Variants in PIK3C2G observed in about 807,000 individuals in gnomAD.
PIK3C2G encodes the protein phosphatidylinositol 3-kinase C2 domain-containing subunit gamma.
PIK3C2G carries 168 observed loss-of-function variants against 181.1 expected under a neutral mutation model. The observed-to-expected ratio is 0.93, with a 90% CI of 0.82 to 1.05. PIK3C2G has a LOEUF of 1.05. Ranked by LOEUF, PIK3C2G falls within the 50% of genes least tolerant of loss-of-function variation. The pLI is 0.00. For synonymous variants in PIK3C2G, 573 were observed against 592.2 expected (o/e 0.97, Z 0.47); for missense variants, 1,869 against 1,732.8 (o/e 1.08, Z -1.40).
intron 24 of PIK3C2G, among the ~76,000 whole-genome samples, chr12:18,514,545 T>C (rs1592460160): frequency 6.6e-6 from 1 of 151,928 alleles, no homozygotes; most frequent in East Asian, 1.9e-4. Flanking sequence ...TTTCAGGTAG[T>C]TCTCTACTGG....
At chr12:18,338,599 T>G (rs1938782632) in intron 9 of PIK3C2G, 51 bp downstream of exon 9, 1 of 1,307,492 alleles carries the variant, frequency 7.6e-7, no homozygotes, top group African/African-American at 1.5e-5. Flanking sequence ...GTTCAATACT[T>G]AATTAAGGAG....
chr12:18,350,429 CA>C (rs1940115407), intron 11 of PIK3C2G, among the ~76,000 whole-genome samples: 1 of 151,866 alleles, frequency 6.6e-6, no homozygotes, highest in Non-Finnish European at 1.5e-5. Flanking sequence ...TATATCTGTG[CA>C]AAAAATGATT....
At chr12:18,331,032 G>C (rs555365130) in intron 8 of PIK3C2G, among the ~76,000 whole-genome samples, 2 of 152,034 alleles carry the variant, frequency 1.3e-5, no homozygotes, top group South Asian at 4.2e-4. Context: ...CTGTTCTTTA[G>C]TTCTATGATC....
intron 29 of PIK3C2G, among the ~76,000 whole-genome samples, chr12:18,585,979 CAAG>C (rs1422182322): frequency 6.6e-6 from 1 of 152,076 alleles, no homozygotes; most frequent in African/African-American, 2.4e-5. Flanking sequence ...AGGCAGAAAT[CAAG>C]AAGTTCTTTG....
In PIK3C2G at chr12:18,505,407, A is replaced by G; in HGVS notation, c.3269A>G (p.His1090Arg). ...IMLTKSGHMF[H>R]IDFGKFLGHA... is the part of the protein sequence containing the mutation. ...CTGACAAAGTCGGGCCACATGTTTC[A>G]TATTGACTTTGGAAAATTCTTAGGT... The change falls in exon 24 of 33, where the codon CAT becomes CGT. Residue 1090 changes from histidine (H) to arginine (R), a missense_variant. By Grantham distance (29) the His-to-Arg change is conservative (BLOSUM62 0). Coordinates refer to ENST00000538779, the MANE Select transcript of PIK3C2G (RefSeq NM_001288772.2). The G allele has an allele frequency of 6.2e-7, 1 of 1,613,594 alleles. No individual in the cohort carries two copies. The highest frequency in any genetic ancestry group is 1.1e-5 in the South Asian group (1 of 90,950).
intron 30 of PIK3C2G, among the ~76,000 whole-genome samples, chr12:18,600,156 G>A (rs1166830893): frequency 2.6e-5 from 4 of 151,852 alleles, no homozygotes; most frequent in Admixed American, 2.0e-4. Context: ...TGATATATTT[G>A]ACTACAGAAA....
At chr12:18,723,921 C>G in the PIK3C2G span, among the ~76,000 whole-genome samples, 1 of 152,026 alleles carries the variant, frequency 6.6e-6, no homozygotes, top group Non-Finnish European at 1.5e-5. Flanking sequence ...CAGAGTGAGT[C>G]AGACACATTC....
At chr12:18,586,634 CA>C (rs769393047) in intron 29 of PIK3C2G, among the ~76,000 whole-genome samples, 1 of 152,000 alleles carries the variant, frequency 6.6e-6, no homozygotes, top group Non-Finnish European at 1.5e-5. Context: ...TGAATTCTAC[CA>C]GATGTTTAAA....
At chr12:18,411,331 G>T (rs1427979410) in intron 16 of PIK3C2G, among the ~76,000 whole-genome samples, 2 of 152,134 alleles carry the variant, frequency 1.3e-5, no homozygotes, top group Admixed American at 6.6e-5. Flanking sequence ...AACAAATGGT[G>T]TTGGGAAAAC....
chr12:18,423,206 A>C (rs1047919116), intron 17 of PIK3C2G, among the ~76,000 whole-genome samples: 3 of 151,796 alleles, frequency 2.0e-5, no homozygotes, highest in African/African-American at 7.3e-5. Context: ...AAACAACTAA[A>C]GATATAAGCT....
At chr12:18,588,958 G>A (rs948977848) in intron 29 of PIK3C2G, among the ~76,000 whole-genome samples, 3 of 152,032 alleles carry the variant, frequency 2.0e-5, no homozygotes, top group Non-Finnish European at 2.9e-5. Flanking sequence ...GGATGGAGCT[G>A]GAGGCCACTA....
rs552383934 is a variant in PIK3C2G at position 18,361,920 on chromosome 12, T to C, written c.1626-844T>C. On this transcript the variant is annotated intron_variant, in intron 11 of 32. Coordinates refer to ENST00000538779, the MANE Select transcript of PIK3C2G (RefSeq NM_001288772.2). ...ACCAGGGAGTGGCTGACAAGGTATATAGGCTTTGTCCACTGTACCATAGGA... is the reference window on the plus strand; with the variant it reads ...ACCAGGGAGTGGCTGACAAGGTATACAGGCTTTGTCCACTGTACCATAGGA... Among the ~76,000 whole-genome samples, 21 of 152,216 alleles carry C rather than the reference T, an allele frequency of 1.4e-4. No homozygotes were observed. In the South Asian group the frequency reaches 3.7e-3, roughly 27 times the overall value.
In PIK3C2G at chr12:18,310,495, T is replaced by C. The variant is rs1425897476; in HGVS notation, c.1035-3467T>C. ...TGATAAAAGAATCTGGAGCTAATAT[T>C]TGAAGTGATCTCTACTTGAGCAGTT... On this transcript the variant is annotated intron_variant, in intron 5 of 32. Coordinates refer to ENST00000538779, the MANE Select transcript of PIK3C2G (RefSeq NM_001288772.2). Among the ~76,000 whole-genome samples, 3 of 151,946 alleles carry C rather than the reference T, an allele frequency of 2.0e-5. No homozygotes were observed. The East Asian group carries it at 5.8e-4, about 29-fold the overall frequency.
At chr12:18,465,679 T>A (rs544070396) in intron 18 of PIK3C2G, among the ~76,000 whole-genome samples, 2 of 151,866 alleles carry the variant, frequency 1.3e-5, no homozygotes, top group South Asian at 4.1e-4. Flanking sequence ...TACTTGTTTC[T>A]TTTTGGATAG....
downstream of PIK3C2G, among the ~76,000 whole-genome samples, chr12:18,649,243 G>T (rs998148460): frequency 6.6e-6 from 1 of 152,008 alleles, no homozygotes; most frequent in Non-Finnish European, 1.5e-5. Context: ...TCAGTAAAAA[G>T]AAACTGCCAC....
At chr12:18,414,013 G>A (rs1241843909) in intron 16 of PIK3C2G, among the ~76,000 whole-genome samples, 3 of 152,094 alleles carry the variant, frequency 2.0e-5, no homozygotes, top group Non-Finnish European at 4.4e-5. Flanking sequence ...GCCAGGATTT[G>A]TGGAACATAT....
At chr12:18,582,588 A>AT (rs1236526739) in intron 29 of PIK3C2G, among the ~76,000 whole-genome samples, 1 of 152,172 alleles carries the variant, frequency 6.6e-6, no homozygotes, top group Non-Finnish European at 1.5e-5. Flanking sequence ...GGCTGAATCC[A>AT]GGGGGCTGAG....
chr12:18,344,393 G>T (rs1481446516), intron 10 of PIK3C2G, among the ~76,000 whole-genome samples: 3 of 152,078 alleles, frequency 2.0e-5, no homozygotes, highest in Non-Finnish European at 4.4e-5. Context: ...AAATAGGGTG[G>T]CGGAGGGTAT....
chr12:18,679,876 G>A, the PIK3C2G span, among the ~76,000 whole-genome samples: 58,934 of 151,820 alleles, frequency 0.39, 13,978 homozygotes, highest in South Asian at 0.59. Flanking sequence ...TTGTGTAAGC[G>A]TAGAAGATAC....
Sources: allele counts gnomAD v4.1 joint callset (sites outside exome capture counted in the v4.1 genomes callset), GRCh38; gene constraint gnomAD v4.1.1; transcripts MANE v1.5; gene names NCBI Gene and HGNC (gene_info 2026-07-23, HGNC 2026-07-21).